PDZK1IP1: variants seen among roughly 807,000 people sequenced by gnomAD.
PDZK1IP1 encodes the protein PDZK1 interacting protein 1.
Under a neutral mutation model 14.7 loss-of-function variants are expected in PDZK1IP1, and 9 were observed. The observed-to-expected ratio is 0.61, with a 90% CI of 0.37 to 1.07. The LOEUF (loss-of-function observed/expected upper bound fraction) is 1.07, where lower values mean the gene tolerates loss of function less well. Ranked by LOEUF, PDZK1IP1 falls within the 50% of genes least tolerant of loss-of-function variation. The pLI, the probability that PDZK1IP1 is intolerant of heterozygous loss-of-function variation, is 0.01. For synonymous variants in PDZK1IP1, 70 were observed against 61.2 expected (o/e 1.14, Z -0.67); for missense variants, 152 against 148.7 (o/e 1.02, Z -0.11).
At chr1:47,184,517 ATCCCCCACTG>A (rs1421661163) in intron 3 of PDZK1IP1, among the ~76,000 whole-genome samples, 1 of 13,916 alleles carries the variant, frequency 7.2e-5, no homozygotes, top group East Asian at 2.2e-3. Flanking sequence ...CACTGAATCC[ATCCCCCACTG>A]AGCTCCATCC....
At chr1:47,184,965 G>A (rs766209095) in intron 3 of PDZK1IP1, 37 bp downstream of exon 3, 5 of 1,512,310 alleles carry the variant, frequency 3.3e-6, no homozygotes, top group South Asian at 1.1e-5. Context: ...CTTAGGCCCT[G>A]GGAGCACAGA....
At chr1:47,189,569 G>A (rs1645340355) in intron 1 of PDZK1IP1, among the ~76,000 whole-genome samples, 2 of 152,110 alleles carry the variant, frequency 1.3e-5, no homozygotes, top group Non-Finnish European at 2.9e-5. Context: ...TTGTACCCCC[G>A]GGTCCCCTGT....
chr1:47,188,896 C>T (rs914889521), intron 1 of PDZK1IP1, among the ~76,000 whole-genome samples: 6 of 152,184 alleles, frequency 3.9e-5, no homozygotes, highest in Non-Finnish European at 8.8e-5. Flanking sequence ...AGGGCTCAAC[C>T]CTTGGAGGCC....
At chr1:47,188,855 C>T (rs1240797235) in intron 1 of PDZK1IP1, among the ~76,000 whole-genome samples, 1 of 152,214 alleles carries the variant, frequency 6.6e-6, no homozygotes, top group African/African-American at 2.4e-5. Flanking sequence ...ACTGCTCCCT[C>T]AGGTCAGTGG....
At chr1:47,186,810 G>A (rs1480056078) in intron 2 of PDZK1IP1, among the ~76,000 whole-genome samples, 3 of 152,168 alleles carry the variant, frequency 2.0e-5, no homozygotes, top group Admixed American at 6.5e-5. Flanking sequence ...TGGCCACCCC[G>A]GACCAGGTCA....
rs1366729468 is a variant in PDZK1IP1 at position 47,183,715 on chromosome 1, C to T, written c.*256G>A. The T allele has an allele frequency of 1.8e-6, 1 of 544,762 alleles. No individual in the cohort carries two copies. The highest frequency in any genetic ancestry group is 1.9e-5 in the African/African-American group (1 of 52,590). 33.7% of individuals were successfully genotyped at this position (544,762 alleles called of 1,614,324 possible). A position where few individuals can be genotyped will look rare whatever the true frequency, so the allele number is the denominator to read the frequency against. On this transcript the variant is annotated 3_prime_UTR_variant, in exon 4 of 4. Coordinates refer to ENST00000294338, the MANE Select transcript of PDZK1IP1 (RefSeq NM_005764.4). ...ACGTGTGAGCAGGATGGGAGGTGCT[C>T]AGCTGACTGTCCTCTCCAGAAGGCT...
chr1:47,185,472 A>G (rs914924241), intron 2 of PDZK1IP1: 5 of 243,230 alleles, frequency 2.1e-5, no homozygotes, highest in South Asian at 1.2e-4. Context: ...GAGCTGGGGC[A>G]GGTGGAGAAA....
intron 1 of PDZK1IP1, among the ~76,000 whole-genome samples, chr1:47,188,817 G>T (rs1645335498): frequency 6.6e-6 from 1 of 152,142 alleles, no homozygotes; most frequent in Non-Finnish European, 1.5e-5. Flanking sequence ...AGCAGTATTT[G>T]GGAGTCATTG....
At chr1:47,186,331 A>C (rs906027409) in intron 2 of PDZK1IP1, among the ~76,000 whole-genome samples, 3 of 152,106 alleles carry the variant, frequency 2.0e-5, no homozygotes, top group African/African-American at 7.2e-5. Context: ...AAAAAAAAAA[A>C]AACTTGTCAC....
intron 3 of PDZK1IP1, among the ~76,000 whole-genome samples, chr1:47,184,721 T>A (rs1645308583): frequency 6.7e-6 from 1 of 148,626 alleles, no homozygotes; most frequent in Non-Finnish European, 1.5e-5. Context: ...CTTCCTCCAT[T>A]GAACCCTTTG....
chr1:47,189,810 A>G, intron 1 of PDZK1IP1, 56 bp downstream of exon 1: 2 of 1,385,656 alleles, frequency 1.4e-6, no homozygotes, highest in South Asian at 2.7e-5. Flanking sequence ...GGGGAGCCAG[A>G]ACACCACCTG....
At chr1:47,185,253 A>G in intron 2 of PDZK1IP1, 156 bp from the exon 3 acceptor site, 1 of 624,294 alleles carries the variant, frequency 1.6e-6, no homozygotes, top group Non-Finnish European at 2.9e-6. Flanking sequence ...TACTGGCCCC[A>G]CCCATGGGGT....
intron 1 of PDZK1IP1, among the ~76,000 whole-genome samples, chr1:47,189,143 C>T (rs1022597054): frequency 6.7e-5 from 5 of 74,902 alleles, no homozygotes; most frequent in African/African-American, 2.6e-4. Flanking sequence ...CATAAGAGCT[C>T]GGGGTGGGGG....
At chr1:47,188,367 G>A (rs1645332399) in intron 1 of PDZK1IP1, among the ~76,000 whole-genome samples, 1 of 152,132 alleles carries the variant, frequency 6.6e-6, no homozygotes, top group Non-Finnish European at 1.5e-5. Flanking sequence ...TGAAGTCCCT[G>A]CCTTCAGGCC....
chr1:47,185,182 G>A, intron 2 of PDZK1IP1, 85 bp from the exon 3 acceptor site: 1 of 1,042,756 alleles, frequency 9.6e-7, no homozygotes, highest in Non-Finnish European at 1.5e-6. Context: ...GTTCTCACAA[G>A]CCCGAAGGCT....
intron 3 of PDZK1IP1, among the ~76,000 whole-genome samples, chr1:47,184,367 A>C: frequency 2.3e-5 from 1 of 43,766 alleles, no homozygotes. Context: ...AACTGAGTCC[A>C]TCCCCACTGA....
intron 2 of PDZK1IP1, 33 bp downstream of exon 2, chr1:47,187,286 C>T (rs1645325568): frequency 6.6e-7 from 1 of 1,508,616 alleles, no homozygotes; most frequent in African/African-American, 1.4e-5. Context: ...TGGGCCCACC[C>T]TGCCTGCTCA....
chr1:47,187,173 T>C (rs1233546208), intron 2 of PDZK1IP1, 146 bp downstream of exon 2: 5 of 643,650 alleles, frequency 7.8e-6, no homozygotes, highest in Non-Finnish European at 1.4e-5. Context: ...ACCCACCCCA[T>C]GACCTTGAGC....
At chr1:47,187,540 G>C (rs1645327770) in intron 1 of PDZK1IP1, 113 bp from the exon 2 acceptor site, 4 of 776,514 alleles carry the variant, frequency 5.2e-6, no homozygotes, top group Non-Finnish European at 6.5e-6. Flanking sequence ...CCCTCAGCCA[G>C]CTGCCAGGAG....
Sources: allele counts gnomAD v4.1 joint callset (sites outside exome capture counted in the v4.1 genomes callset), GRCh38; gene constraint gnomAD v4.1.1; transcripts MANE v1.5; gene names NCBI Gene and HGNC (gene_info 2026-07-23, HGNC 2026-07-21).